Variants in ROBO2 observed in about 807,000 individuals in gnomAD.
ROBO2 encodes roundabout guidance receptor 2, also known as roundabout homolog 2.
A neutral mutation model predicts 160.8 loss-of-function variants in ROBO2; 53 were observed. That is an observed-to-expected ratio of 0.33 (90% CI 0.26 to 0.41). ROBO2 has a LOEUF of 0.41. Among genes scored for constraint, ROBO2 ranks in the 10% least tolerant of loss-of-function variants. The probability of loss-of-function intolerance (pLI) is 1.00; values close to 1 mark genes in which losing one functional copy is unlikely to be tolerated. For missense variants in ROBO2, 1,577 were observed against 1,722.4 expected, an observed-to-expected ratio of 0.92 and a Z score of 1.49; for synonymous variants, 664 against 611.7, an observed-to-expected ratio of 1.09 and a Z score of -1.26.
rs1439645177 is a variant in ROBO2, at chr3:76,272,973, A to T, written c.109+335371A>T. Among the ~76,000 whole-genome samples the T allele has an allele frequency of 1.5e-4, 11 of 74,572 alleles. 1 individual carries two copies. The highest frequency in any genetic ancestry group is 5.6e-4 in the African/African-American group (11 of 19,604). The allele number at this position is 74,572 out of a possible 152,430, so 48.9% of individuals were successfully genotyped here. A position where few individuals can be genotyped will look rare whatever the true frequency, so the allele number is the denominator to read the frequency against. On this transcript the variant is annotated intron_variant, in intron 2 of 26. Coordinates refer to the ROBO2 transcript ENST00000487694. ...TATATAATATATATTTATATATAAA[A>T]TATATATAATATATAATATATAATT...
At chr3:76,891,174 T>G (rs1171812873) in intron 2 of ROBO2, among the ~76,000 whole-genome samples, 2 of 152,150 alleles carry the variant, frequency 1.3e-5, no homozygotes, top group Non-Finnish European at 2.9e-5. Flanking sequence ...TTTTAAATAT[T>G]TCTGTATTTT....
chr3:76,269,814 C>A (rs1559702372), intron 2 of ROBO2, among the ~76,000 whole-genome samples: 1 of 152,054 alleles, frequency 6.6e-6, no homozygotes, highest in East Asian at 1.9e-4. Context: ...TACTTACCTG[C>A]AAGTCCTTCT....
intron 2 of ROBO2, among the ~76,000 whole-genome samples, chr3:76,871,471 G>A (rs891293556): frequency 6.7e-5 from 10 of 148,972 alleles, no homozygotes; most frequent in African/African-American, 2.2e-4. Context: ...GGAGAATGGC[G>A]TGAACCCGGG....
intron 2 of ROBO2, among the ~76,000 whole-genome samples, chr3:76,624,569 C>T (rs1182230306): frequency 6.6e-6 from 1 of 151,806 alleles, no homozygotes; most frequent in Non-Finnish European, 1.5e-5. Flanking sequence ...AAAGCCGAGG[C>T]GGGCGGATCG....
intron 2 of ROBO2, among the ~76,000 whole-genome samples, chr3:76,257,433 G>A (rs1226188257): frequency 1.3e-5 from 2 of 152,082 alleles, no homozygotes; most frequent in East Asian, 3.9e-4. Context: ...AGATATAAAT[G>A]CATTGACTAA....
At chr3:76,398,497 G>GA (rs1161416922) in intron 2 of ROBO2, among the ~76,000 whole-genome samples, 6 of 151,378 alleles carry the variant, frequency 4.0e-5, no homozygotes. Flanking sequence ...AAAAGAAAAA[G>GA]AAAAAATTCA....
upstream of ROBO2, among the ~76,000 whole-genome samples, chr3:77,035,411 C>T (rs2063571126): frequency 6.6e-6 from 1 of 151,814 alleles, no homozygotes; most frequent in African/African-American, 2.4e-5. Flanking sequence ...GGAAGTATCA[C>T]CGAACTCTTC....
intron 1 of ROBO2, among the ~76,000 whole-genome samples, chr3:77,060,106 GTAAT>G (rs139309978): frequency 0.086 from 13,042 of 152,164 alleles, 677 homozygotes; most frequent in East Asian, 0.2. Context: ...AGTCCAGAGG[GTAAT>G]TAGTCAAGAC....
At chr3:77,311,926 A>C (rs1184202775) in intron 2 of ROBO2, among the ~76,000 whole-genome samples, 2 of 152,072 alleles carry the variant, frequency 1.3e-5, no homozygotes. Context: ...GTCTCTACTA[A>C]AAATATAAAG....
At chr3:77,631,468 T>A (rs905591329) in intron 23 of ROBO2, 5 of 152,216 alleles carry the variant, frequency 3.3e-5, no homozygotes, top group African/African-American at 1.2e-4. Flanking sequence ...TTCTTACAAA[T>A]ATTTTTTGCC....
At chr3:77,473,689 C>T (rs771263404) in intron 2 of ROBO2, among the ~76,000 whole-genome samples, 4 of 151,962 alleles carry the variant, frequency 2.6e-5, no homozygotes, top group African/African-American at 4.8e-5. Context: ...GTCTCCTGAC[C>T]TCGTGATCCA....
intron 2 of ROBO2, among the ~76,000 whole-genome samples, chr3:76,816,938 G>A (rs2065715702): frequency 6.6e-6 from 1 of 152,060 alleles, no homozygotes; most frequent in Non-Finnish European, 1.5e-5. Context: ...GGATGAAGCT[G>A]GAAACCATCA....
chr3:76,936,567 A>G (rs923689490), intron 2 of ROBO2, among the ~76,000 whole-genome samples: 2 of 151,832 alleles, frequency 1.3e-5, no homozygotes, highest in African/African-American at 4.8e-5. Flanking sequence ...GGACTGATAA[A>G]TTAATTATTT....
At chr3:77,604,959 A>G (rs1036247070) in intron 20 of ROBO2, among the ~76,000 whole-genome samples, 1 of 151,982 alleles carries the variant, frequency 6.6e-6, no homozygotes, top group Non-Finnish European at 1.5e-5. Flanking sequence ...CATTAAAAAT[A>G]TAAAATCACC....
chr3:76,735,385 TTG>T (rs1292389611), intron 2 of ROBO2, among the ~76,000 whole-genome samples: 1 of 152,054 alleles, frequency 6.6e-6, no homozygotes, highest in Non-Finnish European at 1.5e-5. Context: ...GAGCAAAACA[TTG>T]TGTATTCATA....
chr3:76,535,742 A>G (rs531013338), intron 2 of ROBO2, among the ~76,000 whole-genome samples: 2 of 152,254 alleles, frequency 1.3e-5, no homozygotes, highest in South Asian at 4.1e-4. Flanking sequence ...AACAATACCC[A>G]CAACAGTTAT....
intron 2 of ROBO2, among the ~76,000 whole-genome samples, chr3:76,380,225 A>G (rs1049304599): frequency 1.3e-5 from 2 of 152,164 alleles, no homozygotes; most frequent in African/African-American, 4.8e-5. Context: ...ATTTTAATAC[A>G]TTCACTTGGC....
At chr3:77,438,539 TACACACACAC>T (rs77955703) in intron 2 of ROBO2, among the ~76,000 whole-genome samples, 47 of 147,274 alleles carry the variant, frequency 3.2e-4, no homozygotes, top group Middle Eastern at 3.6e-3. Flanking sequence ...GAGAAGGGGA[TACACACACAC>T]ACACACACAC....
chr3:76,748,918 G>C (rs1478215752), intron 2 of ROBO2, among the ~76,000 whole-genome samples: 1 of 151,728 alleles, frequency 6.6e-6, no homozygotes, highest in Admixed American at 6.6e-5. Flanking sequence ...ATATTAAAAA[G>C]AAAAACTAAA....
Sources: gnomAD v4.1 joint callset for allele counts (sites outside exome capture counted in the v4.1 genomes callset) on GRCh38, gnomAD v4.1.1 for gene constraint, MANE v1.5 for transcripts, NCBI Gene and HGNC (gene_info 2026-07-23, HGNC 2026-07-21) for gene names.